Variants in MB observed in about 807,000 individuals in gnomAD.
The protein encoded by MB is myoglobin, also known as nitrite reductase MB.
In MB, 10 loss-of-function variants were observed where a neutral mutation model predicts 14.5. That is an observed-to-expected ratio of 0.69 (90% confidence interval 0.43 to 1.17). MB has a LOEUF of 1.17. Among genes scored for constraint, MB ranks in the 50% most tolerant of loss-of-function variants. The pLI is 0.00. For missense variants in MB, 169 were observed against 192.7 expected, an observed-to-expected ratio of 0.88 and a Z score of 0.73; for synonymous variants, 89 against 78.6, an observed-to-expected ratio of 1.13 and a Z score of -0.70.
chr22:35,610,872 C>T lies in MB; in HGVS notation c.318+12G>A. On this transcript the variant is annotated intron_variant, in intron 2 of 2. Coordinates refer to ENST00000397326, the MANE Select transcript of MB (RefSeq NM_005368.3). ...CCCCGCATCCTCCCACCTGCCCAGGCTCTGCTCCTACCTCCAGGTACTTCA... is the reference window on the plus strand; with the variant it reads ...CCCCGCATCCTCCCACCTGCCCAGGTTCTGCTCCTACCTCCAGGTACTTCA... The T allele has an allele frequency of 1.4e-6, 2 of 1,458,650 alleles. No individual in the cohort carries two copies. Among genetic ancestry groups the T allele is most frequent in the East Asian group, 2.5e-5 (1 of 39,622 alleles). 90.4% of individuals were successfully genotyped at this position (1,458,650 alleles called of 1,614,324 possible).
intron 2 of MB, 124 bp from the exon 3 acceptor site, chr22:35,607,567 C>T (rs1922249897): frequency 1.0e-5 from 9 of 876,174 alleles, no homozygotes; most frequent in Non-Finnish European, 1.4e-5. Context: ...TTGCTAGGCA[C>T]CAGGTGAGAG....
chr22:35,622,822 A>G (rs1923559251), intron 1 of MB, among the ~76,000 whole-genome samples: 1 of 151,512 alleles, frequency 6.6e-6, no homozygotes, highest in African/African-American at 2.4e-5. Flanking sequence ...CAGTCACCTA[A>G]CCCCACATCC....
chr22:35,620,195 A>T (rs928621228), upstream of MB, among the ~76,000 whole-genome samples: 4 of 152,152 alleles, frequency 2.6e-5, no homozygotes, highest in Non-Finnish European at 5.9e-5. Context: ...TTAGCTGGGC[A>T]TGGTGGCACG....
intron 1 of MB, among the ~76,000 whole-genome samples, chr22:35,616,431 A>T (rs1923082775): frequency 6.6e-6 from 1 of 152,180 alleles, no homozygotes; most frequent in Non-Finnish European, 1.5e-5. Context: ...CATACTCAAC[A>T]TCGAAGGTCA....
rs1402045108 is a variant in MB, at chr22:35,606,890, G to C, written c.*407C>G. On this transcript the variant is annotated 3_prime_UTR_variant, in exon 3 of 3. Coordinates refer to ENST00000397326, the MANE Select transcript of MB (RefSeq NM_005368.3). ...GCCCAGCCCAGATCTCCTCCTCATT[G>C]CAAAGGGACATTCTGCTGTCTTCAA... is the stretch of plus-strand genomic sequence containing the variant. 1 of 160,310 alleles carries C rather than the reference G, an allele frequency of 6.2e-6. No homozygotes were observed. Among genetic ancestry groups the C allele is most frequent in the Admixed American group, 6.3e-5 (1 of 15,986 alleles). 9.9% of individuals were successfully genotyped at this position (160,310 alleles called of 1,614,324 possible).
chr22:35,609,655 C>T (rs1431311034), intron 2 of MB, among the ~76,000 whole-genome samples: 1 of 152,216 alleles, frequency 6.6e-6, no homozygotes, highest in Non-Finnish European at 1.5e-5. Context: ...TACTTAAACC[C>T]TCTGAGCTCT....
At chr22:35,611,697 G>A (rs1922642772) in intron 1 of MB, among the ~76,000 whole-genome samples, 1 of 152,114 alleles carries the variant, frequency 6.6e-6, no homozygotes, top group Admixed American at 6.5e-5. Context: ...GTCCTGGTGG[G>A]AGCAACTCAA....
chr22:35,617,116 G>T, intron 1 of MB, 47 bp downstream of exon 1: 1 of 1,443,242 alleles, frequency 6.9e-7, no homozygotes, highest in Non-Finnish European at 9.8e-7. Flanking sequence ...GAACACCCTT[G>T]ATCTTAGGGT....
chr22:35,611,159 G>A (rs1922597836), intron 1 of MB, 53 bp from the exon 2 acceptor site: 2 of 1,331,456 alleles, frequency 1.5e-6, no homozygotes, highest in East Asian at 2.3e-5. Context: ...TGTGAGGTCT[G>A]GGGGCAGCCA....
rs758812161 is a variant in MB at position 35,610,911 on chromosome 22, C to T, written c.291G>A (p.Lys97=). ...CCAGGTACTTCACGGGGATCTTGTG[C>T]TTGGTGGCATGCGACTGTGCCAGGG... The part of the protein sequence containing the change: ...IKPLAQSHAT[K]HKIPVKYLEF... The change falls in exon 2 of 3, where the codon AAG becomes AAA. Residue 97 remains lysine (K), a synonymous_variant. Transcript: ENST00000397326. 16 of 1,613,994 alleles carry T rather than the reference C, an allele frequency of 9.9e-6. No homozygotes were observed. The highest frequency in any genetic ancestry group is 1.4e-5 in the Non-Finnish European group (16 of 1,180,002).
Position 35,617,246 on chromosome 22 carries a change from G to C in MB, c.12C>G (p.Ser4Arg), listed in dbSNP as rs758164217. ...TCAGCACCAACTGCCATTCCCCGTC[G>C]CTGAGCCCCATGGCGCAGTCTGAAG... is the stretch of plus-strand genomic sequence containing the variant. MGLSDGEWQLVLNV... is the reference protein window; with the variant it reads MGLRDGEWQLVLNV... Residue 4 changes from serine to arginine, a missense_variant, in exon 1 of 3, where the codon AGC becomes AGG. By Grantham distance (110) the Ser-to-Arg change is moderately radical (BLOSUM62 -1). Transcript: ENST00000397326. 52 of 1,613,832 alleles carry C rather than the reference G, an allele frequency of 3.2e-5. No homozygotes were observed. Among genetic ancestry groups the C allele is most frequent in the Non-Finnish European group, 4.2e-5 (50 of 1,179,880 alleles).
intron 1 of MB, among the ~76,000 whole-genome samples, chr22:35,613,782 GCCACC>G (rs1020006075): frequency 6.6e-6 from 1 of 152,186 alleles, no homozygotes; most frequent in Admixed American, 6.5e-5. Flanking sequence ...ATAGGCCTGA[GCCACC>G]CCACCCCACC....
chr22:35,618,595 T>A (rs1014911313), upstream of MB, among the ~76,000 whole-genome samples: 6 of 151,936 alleles, frequency 3.9e-5, no homozygotes, highest in South Asian at 2.1e-4. Context: ...CCACCACCCA[T>A]CCATCCAACA....
chr22:35,611,853 C>G (rs564765757), intron 1 of MB, among the ~76,000 whole-genome samples: 34 of 152,144 alleles, frequency 2.2e-4, no homozygotes, highest in Admixed American at 7.8e-4. Context: ...TCCTTCCTGC[C>G]CACCTCCAGC....
rs45618334 is a variant in MB, at chr22:35,612,979, C to T, written c.96-1873G>A. Among the ~76,000 whole-genome samples, 844 of 152,292 alleles carry T rather than the reference C, an allele frequency of 5.5e-3. 8 individuals are homozygous for T. Among genetic ancestry groups the T allele is most frequent in the African/African-American group, 0.019 (809 of 41,552 alleles). ...AGCCTGAACCACATACACTCCCTTC[C>T]CCCATGTTGGGCATGGTCTGCCGCC... is the stretch of plus-strand genomic sequence containing the variant. On this transcript the variant is annotated intron_variant, in intron 1 of 2. Transcript: ENST00000397326.
At chr22:35,616,879 TCTGA>T (rs1923115382) in intron 1 of MB, among the ~76,000 whole-genome samples, 1 of 152,276 alleles carries the variant, frequency 6.6e-6, no homozygotes, top group East Asian at 1.9e-4. Context: ...CCTTGTTAAC[TCTGA>T]CTGTCTATAA....
chr22:35,616,456 T>A (rs543039960), intron 1 of MB, among the ~76,000 whole-genome samples: 5 of 152,300 alleles, frequency 3.3e-5, no homozygotes, highest in African/African-American at 1.2e-4. Flanking sequence ...TGAGCCTCTA[T>A]CTTCTGTTCT....
rs1297974241 is a variant in MB, at chr22:35,617,172, A to G, written c.86T>C (p.Val29Ala). ...AATCTCTTCCTTTTACCTGATGAGG[A>G]CTTCCTGCCCATGGCCTGGGATGTC... ...EADIPGHGQE[V>A]LIRLFKGHPE... The change falls in exon 1 of 3, where the codon GTC (valine) becomes GCC (alanine). Residue 29 changes from valine to alanine, a missense_variant. Physicochemically the swap from Val to Ala is moderately conservative, Grantham distance 64. Transcript: ENST00000397326. 6.2e-7 allele frequency: 1 copy of G among 1,613,220 alleles called. No individual in the cohort carries two copies. The highest frequency in any genetic ancestry group is 1.1e-5 in the South Asian group (1 of 91,058).
chr22:35,609,491 A>G (rs547675257), intron 2 of MB, among the ~76,000 whole-genome samples: 2 of 152,234 alleles, frequency 1.3e-5, no homozygotes, highest in Non-Finnish European at 2.9e-5. Context: ...ACTCTGCGCA[A>G]TTGTGGGGTG....
Sources: allele counts gnomAD v4.1 joint callset (sites outside exome capture counted in the v4.1 genomes callset), GRCh38; gene constraint gnomAD v4.1.1; transcripts MANE v1.5; gene names NCBI Gene and HGNC (gene_info 2026-07-23, HGNC 2026-07-21).